OR6B3: variants seen among roughly 807,000 people sequenced by gnomAD.
OR6B3 encodes the protein olfactory receptor family 6 subfamily B member 3.
For missense variants in OR6B3, 315 were observed against 427.4 expected, an observed-to-expected ratio of 0.74 and a Z score of 2.32; for synonymous variants, 148 against 187.8, an observed-to-expected ratio of 0.79 and a Z score of 1.73.
chr2:240,053,382 T>C, the OR6B3 span, among the ~76,000 whole-genome samples: 2 of 152,218 alleles, frequency 1.3e-5, no homozygotes, highest in Admixed American at 6.5e-5. This position sits in a 1 kb window ranked among gnomAD's most constrained non-coding sequence, Gnocchi z 4.1. Context: ...ATGCACCCTG[T>C]GGACAGTGCA....
exon 2 of OR6B3, chr2:240,046,093 C>T (rs759052258): frequency 7.5e-6 from 12 of 1,591,574 alleles, no homozygotes; most frequent in Admixed American, 1.7e-5. Context: ...TTGGGAGCTG[C>T]AGGCCTACAA....
chr2:240,050,789 G>A (rs1020889841), upstream of OR6B3, among the ~76,000 whole-genome samples: 10 of 149,170 alleles, frequency 6.7e-5, no homozygotes, highest in African/African-American at 2.5e-4. Context: ...TCTAGTACAT[G>A]CCTCTCACTG....
At chr2:240,046,904 G>A (rs767812560) in intron 1 of OR6B3, 48 bp downstream of exon 2, 1 of 152,194 alleles carries the variant, frequency 6.6e-6, no homozygotes, top group African/African-American at 2.4e-5. Flanking sequence ...ACATCTCTAA[G>A]TTGAGATGGA....
At chr2:240,052,691 T>G in the OR6B3 span, among the ~76,000 whole-genome samples, 14 of 152,262 alleles carry the variant, frequency 9.2e-5, no homozygotes, top group African/African-American at 3.4e-4. This position sits in a 1 kb window ranked among gnomAD's most constrained non-coding sequence, Gnocchi z 4.5. Flanking sequence ...TAAGCTGCTG[T>G]TCTGTGGACA....
At chr2:240,048,095 G>A (rs1429467029), upstream of OR6B3, among the ~76,000 whole-genome samples, 1 of 152,164 alleles carries the variant, frequency 6.6e-6, no homozygotes, top group Admixed American at 6.5e-5. Flanking sequence ...CACAGGAAAT[G>A]TAGGGAGTTG....
chr2:240,048,401 T>A (rs1424736220), upstream of OR6B3, among the ~76,000 whole-genome samples: 1 of 151,984 alleles, frequency 6.6e-6, no homozygotes, highest in Non-Finnish European at 1.5e-5. Context: ...CCTACCCCCA[T>A]CTCCGCACTG....
upstream of OR6B3, among the ~76,000 whole-genome samples, chr2:240,048,699 C>A (rs536658622): frequency 2.0e-5 from 3 of 152,178 alleles, no homozygotes; most frequent in Admixed American, 6.5e-5. Flanking sequence ...CAAACTAACA[C>A]GGTGCAGCAA....
At chr2:240,046,684 C>T (rs1389234010) in intron 1 of OR6B3, among the ~76,000 whole-genome samples, 3 of 152,124 alleles carry the variant, frequency 2.0e-5, no homozygotes, top group African/African-American at 4.8e-5. Flanking sequence ...ACATCCTTAT[C>T]CCTGTCAATC....
At chr2:240,049,888 G>A (rs1251686695), upstream of OR6B3, among the ~76,000 whole-genome samples, 1 of 152,134 alleles carries the variant, frequency 6.6e-6, no homozygotes. Flanking sequence ...CTCATTTTCA[G>A]ATGAGATAAT....
the OR6B3 span, among the ~76,000 whole-genome samples, chr2:240,052,738 C>T: frequency 2.3e-3 from 357 of 152,326 alleles, no homozygotes; most frequent in African/African-American, 7.9e-3. This position sits in a 1 kb window ranked among gnomAD's most constrained non-coding sequence, Gnocchi z 4.5. Context: ...CCCGTGGGCC[C>T]GACACGCATA....
chr2:240,047,292 T>C (rs1346033520), upstream of OR6B3, among the ~76,000 whole-genome samples: 2 of 152,200 alleles, frequency 1.3e-5, no homozygotes, highest in East Asian at 3.8e-4. Flanking sequence ...ACCGTATTGT[T>C]CATTAATAAG....
chr2:240,047,513 G>A (rs1426687907), upstream of OR6B3, among the ~76,000 whole-genome samples: 4 of 152,218 alleles, frequency 2.6e-5, no homozygotes, highest in Non-Finnish European at 5.9e-5. Flanking sequence ...CAAGGTGGTG[G>A]GGACACTCAC....
upstream of OR6B3, among the ~76,000 whole-genome samples, chr2:240,048,246 A>G (rs35604956): frequency 0.26 from 40,052 of 152,136 alleles, 5,493 homozygotes; most frequent in East Asian, 0.56. Context: ...AGTTTAAACC[A>G]CAGTAGTATA....
chr2:240,048,415 C>T (rs1328298133), upstream of OR6B3, among the ~76,000 whole-genome samples: 1 of 152,128 alleles, frequency 6.6e-6, no homozygotes, highest in Non-Finnish European at 1.5e-5. Flanking sequence ...CGCACTGTCT[C>T]TCCTGGTTGC....
chr2:240,053,254 T>G, the OR6B3 span, among the ~76,000 whole-genome samples: 1 of 152,200 alleles, frequency 6.6e-6, no homozygotes, highest in African/African-American at 2.4e-5. This position sits in a 1 kb window ranked among gnomAD's most constrained non-coding sequence, Gnocchi z 4.1. Flanking sequence ...TCTCTAAAAC[T>G]TTCACTTTGA....
chr2:240,047,549 T>C (rs2106527502), upstream of OR6B3, among the ~76,000 whole-genome samples: 1 of 152,358 alleles, frequency 6.6e-6, no homozygotes, highest in African/African-American at 2.4e-5. Context: ...AGCAGGTCAC[T>C]GGAACACAGA....
chr2:240,045,236 T>C, exon 2 of OR6B3: 3 of 1,614,232 alleles, frequency 1.9e-6, no homozygotes, highest in Non-Finnish European at 2.5e-6. Context: ...GGGTGATAAC[T>C]GTGTACAAAA....
At chr2:240,052,700 C>T in the OR6B3 span, among the ~76,000 whole-genome samples, 4 of 152,230 alleles carry the variant, frequency 2.6e-5, no homozygotes, top group Non-Finnish European at 5.9e-5. The surrounding 1 kb of genome is among the most constrained non-coding windows in gnomAD (Gnocchi z 4.5). Context: ...GTTCTGTGGA[C>T]ACGACAGGGT....
chr2:240,051,918 G>A (rs1199189663), upstream of OR6B3, among the ~76,000 whole-genome samples: 1 of 152,162 alleles, frequency 6.6e-6, no homozygotes, highest in Admixed American at 6.5e-5. Context: ...TAAATACCAG[G>A]ATCATTCCTG....
Sources: gnomAD v4.1 joint callset for allele counts (sites outside exome capture counted in the v4.1 genomes callset) on GRCh38, gnomAD v4.1.1 for gene constraint, Gnocchi (gnomAD v3.1) non-coding constraint, MANE v1.5 for transcripts, NCBI Gene and HGNC (gene_info 2026-07-23, HGNC 2026-07-21) for gene names.